CROCC2: variants seen among roughly 807,000 people sequenced by gnomAD.
The protein encoded by CROCC2 is ciliary rootlet coiled-coil protein 2.
CROCC2 carries 163 observed loss-of-function variants against 177.6 expected under a neutral mutation model. The observed-to-expected ratio is 0.92, with a 90% CI of 0.81 to 1.05. The LOEUF (loss-of-function observed/expected upper bound fraction) is 1.05, where lower values mean the gene tolerates loss of function less well. CROCC2 is among the 50% of genes least tolerant of loss of function. The pLI is 0.00. For synonymous variants in CROCC2, 904 were observed against 787.3 expected (o/e 1.15, Z -2.48); for missense variants, 1,929 against 1,797.8 (o/e 1.07, Z -1.32).
intron 21 of CROCC2, chr2:240,964,219 A>C: frequency 3.5e-6 from 2 of 576,040 alleles, no homozygotes; most frequent in Non-Finnish European, 3.1e-6. Context: ...AGGGGGAGAC[A>C]GGGAGGGATG....
At chr2:240,925,322 C>G (rs114274715) in intron 4 of CROCC2, among the ~76,000 whole-genome samples, 2,363 of 152,252 alleles carry the variant, frequency 0.016, 59 homozygotes, top group African/African-American at 0.054. Flanking sequence ...CAGCAGAAGC[C>G]GTCCCCCACC....
chr2:240,968,113 C>T lies in CROCC2; in HGVS notation c.4268-16C>T. ...GGGGCATGGGGGCCCCTCAAGCCAC[C>T]CTGCTTGCCCCACAGGCCAGCGCCG... is the stretch of plus-strand genomic sequence containing the variant. On this transcript the variant is annotated splice_polypyrimidine_tract_variant and intron_variant, in intron 26 of 31. Transcript: ENST00000690015. 7.0e-7 allele frequency: 1 copy of T among 1,423,248 alleles called. No homozygotes were observed. Among genetic ancestry groups the T allele is most frequent in the Non-Finnish European group, 9.2e-7 (1 of 1,089,698 alleles). 88.2% of individuals were successfully genotyped at this position (1,423,248 alleles called of 1,614,324 possible). A position where few individuals can be genotyped will look rare whatever the true frequency, so the allele number is the denominator to read the frequency against.
rs2059674791 is a variant in CROCC2 at position 240,965,448 on chromosome 2, C to T, written c.3533C>T (p.Ser1178Leu). 1.9e-6 allele frequency: 3 copies of T among 1,549,786 alleles called. No homozygotes were observed. The highest frequency in any genetic ancestry group is 1.4e-5 in the African/African-American group (1 of 73,006). ...GEAHELQAQC[S>L]QEVLELRRQA... ...GCCCATGAGCTGCAGGCGCAGTGCTCGCAGGAGGTGCTGGAGCTGCGGAGG... is the reference window on the plus strand; with the variant it reads ...GCCCATGAGCTGCAGGCGCAGTGCTTGCAGGAGGTGCTGGAGCTGCGGAGG... Residue 1178 changes from serine (S) to leucine (L), a missense_variant, in exon 23 of 32, where the codon TCG (serine) becomes TTG (leucine). Ser to Leu is a moderately radical substitution (Grantham distance 145). Coordinates refer to ENST00000690015, the MANE Select transcript of CROCC2 (RefSeq NM_001351305.2).
chr2:240,925,606 G>A, intron 4 of CROCC2, 118 bp from the exon 5 acceptor site: 1 of 612,574 alleles, frequency 1.6e-6, no homozygotes, highest in Non-Finnish European at 3.0e-6. Flanking sequence ...CCTGAGCCCA[G>A]GTCAGTTAGG....
intron 15 of CROCC2, among the ~76,000 whole-genome samples, chr2:240,948,585 G>A (rs913764059): frequency 1.3e-5 from 2 of 152,346 alleles, no homozygotes; most frequent in South Asian, 4.1e-4. Context: ...TGAATTAACT[G>A]TTAGAAATGT....
rs985891747 is a variant in CROCC2, at chr2:240,989,678, G to C, written c.4708G>C (p.Ala1570Pro). Residue 1570 changes from alanine (A) to proline (P), a missense_variant, in exon 30 of 32, where the codon GCC (alanine) becomes CCC (proline). Transcript: ENST00000690015. ...GGCCCAGATGACAGAGATGGAGCAG[G>C]CCCACACCCAGCGGCTCCAGGACCT... is the stretch of plus-strand genomic sequence containing the variant. The part of the protein sequence containing the change: ...LQAQMTEMEQ[A>P]HTQRLQDLTA... 4.5e-6 allele frequency: 7 copies of C among 1,549,340 alleles called. No individual in the cohort carries two copies. The African/African-American group carries it at 9.6e-5, about 21-fold the overall frequency.
At position 240,993,181 on chromosome 2, in the gene CROCC2, GCA is replaced by G. The variant is rs1559195552; in HGVS notation, c.*102_*103del. 6 of 685,698 alleles carry G rather than the reference GCA, an allele frequency of 8.8e-6. No individual in the cohort carries two copies. The highest frequency in any genetic ancestry group is 3.1e-5 in the South Asian group (2 of 64,568). The allele number at this position is 685,698 out of a possible 1,614,324, so 42.5% of individuals were successfully genotyped here. On this transcript the variant is annotated 3_prime_UTR_variant, in exon 32 of 32. Transcript: ENST00000690015. ...TGATTTCTCAGCGTCACAGTGAAAG[GCA>G]CCCGTGATGAGACAGCTCGCTCTCG...
At chr2:240,927,359 A>G (rs2059401597) in intron 5 of CROCC2, among the ~76,000 whole-genome samples, 1 of 152,114 alleles carries the variant, frequency 6.6e-6, no homozygotes, top group Admixed American at 6.5e-5. Context: ...TTCTTTAAAC[A>G]TTGCCGGGGC....
intron 5 of CROCC2, 26 bp downstream of exon 5, chr2:240,925,906 C>T (rs977558269): frequency 3.0e-5 from 21 of 690,352 alleles, no homozygotes; most frequent in Middle Eastern, 7.4e-4. Context: ...TTGCTCACCT[C>T]ATGGCGGCCG....
chr2:240,934,232 G>A, intron 11 of CROCC2, 99 bp from the exon 12 acceptor site: 1 of 1,368,712 alleles, frequency 7.3e-7, no homozygotes, highest in Non-Finnish European at 9.9e-7. Flanking sequence ...GGGCCTCCCT[G>A]GGCTTGGAGG....
In CROCC2 at chr2:240,949,860, G is replaced by A. The variant is rs565173535; in HGVS notation, c.2652+158G>A. Reference sequence around the variant, plus strand: ...GACCAGCTCACTCTTTATAGTTCACGTGGGCATCCAGGGCCTTCCCCGTGG... The same window carrying A: ...GACCAGCTCACTCTTTATAGTTCACATGGGCATCCAGGGCCTTCCCCGTGG... On this transcript the variant is annotated intron_variant, in intron 17 of 31. Transcript: ENST00000690015. This position sits in a 1 kb window ranked among gnomAD's most constrained non-coding sequence, Gnocchi z 4.5. Among the ~76,000 whole-genome samples, 5 of 152,330 alleles carry A rather than the reference G, an allele frequency of 3.3e-5. No homozygotes were observed. Among genetic ancestry groups the A allele is most frequent in the South Asian group, 2.1e-4 (1 of 4,822 alleles).
chr2:240,934,866 C>T, intron 12 of CROCC2, 50 bp from the exon 13 acceptor site: 1 of 1,445,450 alleles, frequency 6.9e-7, no homozygotes, highest in African/African-American at 1.5e-5. Context: ...GGCAACAGCC[C>T]TGCCCTGGAA....
In CROCC2 at chr2:240,918,536, C is replaced by A. The variant is rs113993074; in HGVS notation, c.79-190C>A. ...CCTCTCCAGAACCTGGGGACAGGCGCAGCCCCACTCCGCAGGTGCAGAACC... is the reference window on the plus strand; with the variant it reads ...CCTCTCCAGAACCTGGGGACAGGCGAAGCCCCACTCCGCAGGTGCAGAACC... On this transcript the variant is annotated intron_variant, in intron 1 of 31. Coordinates refer to ENST00000690015, the MANE Select transcript of CROCC2 (RefSeq NM_001351305.2). This position sits in a 1 kb window ranked among gnomAD's most constrained non-coding sequence, Gnocchi z 6.3. Among the ~76,000 whole-genome samples the A allele has an allele frequency of 1.6e-4, 24 of 152,350 alleles. No homozygotes were observed. The highest frequency in any genetic ancestry group is 5.8e-4 in the African/African-American group (24 of 41,588).
intron 1 of CROCC2, among the ~76,000 whole-genome samples, chr2:240,909,701 T>A (rs568772630): frequency 2.6e-5 from 4 of 152,284 alleles, no homozygotes; most frequent in Non-Finnish European, 2.9e-5. Context: ...AGGAAACTCA[T>A]CTGGAGGCTA....
intron 6 of CROCC2, 97 bp from the exon 7 acceptor site, chr2:240,930,834 T>A (rs2059424270): frequency 1.7e-6 from 1 of 603,192 alleles, no homozygotes; most frequent in Non-Finnish European, 3.0e-6. Context: ...CTCCTGACGA[T>A]GGCCAAGGAG....
chr2:240,989,857 T>C lies in CROCC2; in HGVS notation c.4863+24T>C, dbSNP rs953236477. 1.3e-5 allele frequency: 20 copies of C among 1,519,722 alleles called. No homozygotes were observed. In the African/African-American group the frequency reaches 1.9e-4, roughly 15 times the overall value. The allele number at this position is 1,519,722 out of a possible 1,614,324, so 94.1% of individuals were successfully genotyped here. A position where few individuals can be genotyped will look rare whatever the true frequency, so the allele number is the denominator to read the frequency against. Reference sequence around the variant, plus strand: ...AGGTAAGGTCGGGACCCCAGCCCCCTGGGTGAGGGAAGAGGCAGGGACAGA... The same window carrying C: ...AGGTAAGGTCGGGACCCCAGCCCCCCGGGTGAGGGAAGAGGCAGGGACAGA... On this transcript the variant is annotated intron_variant, in intron 30 of 31. Coordinates refer to ENST00000690015, the MANE Select transcript of CROCC2 (RefSeq NM_001351305.2).
intron 1 of CROCC2, among the ~76,000 whole-genome samples, chr2:240,913,576 A>G (rs771060201): frequency 3.3e-5 from 5 of 152,134 alleles, no homozygotes; most frequent in Admixed American, 6.5e-5. Flanking sequence ...GTCTCTCCCC[A>G]TCCACAATCC....
At chr2:240,989,178 G>A (rs773251301) in intron 29 of CROCC2, among the ~76,000 whole-genome samples, 66 of 152,132 alleles carry the variant, frequency 4.3e-4, no homozygotes, top group Non-Finnish European at 7.8e-4. Flanking sequence ...AGGCCTGTGG[G>A]GCATGGCCAG....
chr2:240,916,940 T>G lies in CROCC2; in HGVS notation c.79-1786T>G, dbSNP rs541387579. 2.6e-5 allele frequency among the ~76,000 whole-genome samples: 4 copies of G among 152,286 alleles called. No homozygotes were observed. In the East Asian group the frequency reaches 7.8e-4, roughly 30 times the overall value. On this transcript the variant is annotated intron_variant, in intron 1 of 31. Transcript: ENST00000690015. ...ATGGCTGAGCCCCTTCCAGCAGCTC[T>G]CCTCCTGGTTGGTGGTCTTGGCACC...
Sources: gnomAD v4.1 joint callset for allele counts (sites outside exome capture counted in the v4.1 genomes callset) on GRCh38, gnomAD v4.1.1 for gene constraint, Gnocchi (gnomAD v3.1) non-coding constraint, MANE v1.5 for transcripts, NCBI Gene and HGNC (gene_info 2026-07-23, HGNC 2026-07-21) for gene names.